The following DDX19A variants were observed in gnomAD, a reference collection of about 807,000 sequenced individuals.
DDX19A encodes DEAD-box helicase 19A.
A neutral mutation model predicts 60.6 loss-of-function variants in DDX19A; 12 were observed. The ratio of observed to expected loss-of-function variants is 0.20; its 90% CI spans 0.13 to 0.32. The LOEUF (loss-of-function observed/expected upper bound fraction) is 0.32, where lower values mean the gene tolerates loss of function less well. Ranked by LOEUF, DDX19A falls within the 10% of genes least tolerant of loss-of-function variation. The probability of loss-of-function intolerance (pLI) is 1.00; values close to 1 mark genes in which losing one functional copy is unlikely to be tolerated. For synonymous variants in DDX19A, 206 were observed against 218.2 expected (o/e 0.94, Z 0.49); for missense variants, 337 against 600.6 (o/e 0.56, Z 4.59).
At chr16:70,347,338 T>A in intron 1 of DDX19A, 1 of 475,734 alleles carries the variant, frequency 2.1e-6, no homozygotes, top group Non-Finnish European at 3.8e-6. Context: ...AAAGCCAAGT[T>A]TAGATTCTGA....
intron 2 of DDX19A, among the ~76,000 whole-genome samples, chr16:70,351,086 G>T (rs1429888607): frequency 6.6e-6 from 1 of 150,884 alleles, no homozygotes; most frequent in Non-Finnish European, 1.5e-5. Flanking sequence ...GTTTCGCCGT[G>T]TTAGCCAGGA....
intron 9 of DDX19A, among the ~76,000 whole-genome samples, chr16:70,369,235 A>C (rs2151645420): frequency 7.4e-6 from 1 of 134,366 alleles, no homozygotes; most frequent in East Asian, 2.1e-4. Context: ...GCTGGAGTGC[A>C]ATGGCATGAT....
chr16:70,370,495 G>C, intron 10 of DDX19A, 110 bp downstream of exon 10: 1 of 1,444,432 alleles, frequency 6.9e-7, no homozygotes, highest in Non-Finnish European at 9.2e-7. Flanking sequence ...GGAGATGGGT[G>C]GGGTTGGTGA....
chr16:70,356,007 C>G, intron 3 of DDX19A, 105 bp from the exon 4 acceptor site: 1 of 1,434,822 alleles, frequency 7.0e-7, no homozygotes, highest in Non-Finnish European at 9.6e-7. Context: ...TTTCTCCAGC[C>G]GTGCTTGACT....
At chr16:70,367,001 A>T in intron 9 of DDX19A, 140 bp downstream of exon 9, 1 of 987,560 alleles carries the variant, frequency 1.0e-6, no homozygotes, top group South Asian at 1.5e-5. Context: ...GCTCTCCTTT[A>T]GTGGGGGTAA....
In DDX19A at chr16:70,365,388, T is replaced by C. The variant is rs918226968; in HGVS notation, c.604+257T>C. Reference sequence around the variant, plus strand: ...GTTCTTAATATCTAGAGTTCTTCGCTCAGAAGGTAGAGTTTTGAATTTAGC... The same window carrying C: ...GTTCTTAATATCTAGAGTTCTTCGCCCAGAAGGTAGAGTTTTGAATTTAGC... On this transcript the variant is annotated intron_variant, in intron 7 of 11. Transcript: ENST00000302243. 6 of 268,304 alleles carry C rather than the reference T, an allele frequency of 2.2e-5. 1 individual carries two copies. The South Asian group carries it at 3.2e-4, about 14-fold the overall frequency. 16.6% of individuals were successfully genotyped at this position (268,304 alleles called of 1,614,324 possible).
At chr16:70,347,322 A>T (rs573420818) in intron 1 of DDX19A, 20 of 505,218 alleles carry the variant, frequency 4.0e-5, no homozygotes, top group Middle Eastern at 4.1e-4. Context: ...GGTGACGATT[A>T]TAAGGAAAGC....
At chr16:70,361,735 A>G in intron 5 of DDX19A, 2 of 425,738 alleles carry the variant, frequency 4.7e-6, no homozygotes, top group Non-Finnish European at 8.4e-6. Context: ...ATTCCATGCT[A>G]TCTTAAAAAC....
chr16:70,348,519 C>T (rs1035710984), intron 1 of DDX19A, among the ~76,000 whole-genome samples: 3 of 151,042 alleles, frequency 2.0e-5, no homozygotes, highest in African/African-American at 7.3e-5. Flanking sequence ...ACCAGCTACT[C>T]AGGAGGCTGA....
In DDX19A at chr16:70,371,509, A is replaced by T; in HGVS notation, c.1321A>T (p.Met441Leu). 1 of 1,575,226 alleles carries T rather than the reference A, an allele frequency of 6.3e-7. No individual in the cohort carries two copies. The highest frequency in any genetic ancestry group is 1.2e-5 in the South Asian group (1 of 86,846). Residue 441 changes from methionine (M) to leucine (L), a missense_variant, in exon 11 of 12, where the codon ATG (methionine) becomes TTG (leucine). Around this residue, in one of 6 missense-constraint regions of DDX19A, gnomAD observed 29 missense variants for 51.2 expected, o/e 0.57. Coordinates refer to ENST00000302243, the MANE Select transcript of DDX19A (RefSeq NM_018332.5). The part of the protein sequence containing the change: ...RFGKRGLAVN[M>L]VDSKHSMNIL... ...TGGCAAGAGGGGCCTGGCAGTGAAC[A>T]TGGTGGACAGCAAGCACAGCATGAA...
chr16:70,351,514 ATTAT>A (rs1446251053), intron 2 of DDX19A, among the ~76,000 whole-genome samples: 1 of 149,930 alleles, frequency 6.7e-6, no homozygotes, highest in Non-Finnish European at 1.5e-5. Context: ...GCCTAATTTT[ATTAT>A]TTATTTATTT....
intron 10 of DDX19A, chr16:70,371,155 T>A (rs1964675061): frequency 1.3e-6 from 1 of 759,684 alleles, no homozygotes; most frequent in African/African-American, 1.8e-5. Flanking sequence ...GATTACCGAC[T>A]GATCTCATGA....
At chr16:70,364,927 TCAAGTG>T (rs1964471199) in intron 6 of DDX19A, 84 bp from the exon 7 acceptor site, 4 of 972,716 alleles carry the variant, frequency 4.1e-6, no homozygotes, top group Non-Finnish European at 6.5e-6. Context: ...CCTGTGCTAT[TCAAGTG>T]CTAATAACAT....
chr16:70,361,391 C>T, intron 4 of DDX19A, 27 bp from the exon 5 acceptor site: 1 of 1,538,764 alleles, frequency 6.5e-7, no homozygotes, highest in Non-Finnish European at 9.0e-7. Flanking sequence ...TTCTAGGCAT[C>T]CATCCTCTGT....
chr16:70,371,359 C>T lies in DDX19A; in HGVS notation c.1184-13C>T. On this transcript the variant is annotated splice_polypyrimidine_tract_variant and intron_variant, in intron 10 of 11. Transcript: ENST00000302243. ...TCCTTAGTCCTCTCAGCCTCCAACT[C>T]TCCTTCCTGCAGGCATTGATGTTGA... 1 of 1,614,054 alleles carries T rather than the reference C, an allele frequency of 6.2e-7. No individual in the cohort carries two copies. Among genetic ancestry groups the T allele is most frequent in the Non-Finnish European group, 8.5e-7 (1 of 1,179,988 alleles).
chr16:70,360,589 C>T, intron 4 of DDX19A, among the ~76,000 whole-genome samples: 1 of 152,024 alleles, frequency 6.6e-6, no homozygotes. Flanking sequence ...AAGCAGTCGT[C>T]CCACCTAGGC....
At chr16:70,369,750 T>G (rs1597543223) in intron 9 of DDX19A, among the ~76,000 whole-genome samples, 1 of 151,648 alleles carries the variant, frequency 6.6e-6, no homozygotes. Context: ...CTCAAGTAGC[T>G]GGGACTTACA....
intron 1 of DDX19A, among the ~76,000 whole-genome samples, chr16:70,350,193 C>A (rs1963968802): frequency 6.6e-6 from 1 of 152,104 alleles, no homozygotes; most frequent in South Asian, 2.1e-4. Flanking sequence ...GTTGAGGCCG[C>A]AGTGAGCCAT....
intron 9 of DDX19A, among the ~76,000 whole-genome samples, chr16:70,368,064 C>A (rs1410047903): frequency 6.6e-6 from 1 of 152,146 alleles, no homozygotes; most frequent in African/African-American, 2.4e-5. Context: ...GTAGTCTCAG[C>A]TACTCGGAAG....
Sources: gnomAD v4.1 joint callset for allele counts (sites outside exome capture counted in the v4.1 genomes callset) on GRCh38, gnomAD v4.1.1 for gene constraint, gnomAD v4.1.1 regional missense constraint, MANE v1.5 for transcripts, NCBI Gene and HGNC (gene_info 2026-07-23, HGNC 2026-07-21) for gene names.